The following ANO2 variants were observed in gnomAD, a reference collection of about 807,000 sequenced individuals.
The protein encoded by ANO2 is anoctamin-2.
Under a neutral mutation model 124.2 loss-of-function variants are expected in ANO2, and 101 were observed. The observed-to-expected ratio is 0.81, with a 90% confidence interval of 0.69 to 0.96. ANO2 has a LOEUF of 0.96. Ranked by LOEUF, ANO2 falls within the 40% of genes least tolerant of loss-of-function variation. The pLI, the probability that ANO2 is intolerant of heterozygous loss-of-function variation, is 0.00. For missense variants in ANO2, 1,293 were observed against 1,274.5 expected, an observed-to-expected ratio of 1.01 and a Z score of -0.22; for synonymous variants, 486 against 482.5, an observed-to-expected ratio of 1.01 and a Z score of -0.09.
intron 10 of ANO2, among the ~76,000 whole-genome samples, chr12:5,751,383 ACACACAGAT>A (rs1434997259): frequency 6.6e-6 from 1 of 152,258 alleles, no homozygotes; most frequent in African/African-American, 2.4e-5. Flanking sequence ...TTTAAACAAA[ACACACAGAT>A]CATATATTTG....
At chr12:5,875,167 G>A (rs1005014446) in intron 3 of ANO2, among the ~76,000 whole-genome samples, 1 of 152,208 alleles carries the variant, frequency 6.6e-6, no homozygotes, top group African/African-American at 2.4e-5. Flanking sequence ...CCCAGTGTCT[G>A]ATACTGTGCC....
At chr12:5,870,868 C>T (rs1484774922) in intron 3 of ANO2, among the ~76,000 whole-genome samples, 1 of 152,224 alleles carries the variant, frequency 6.6e-6, no homozygotes, top group Non-Finnish European at 1.5e-5. Context: ...GCAGGTCATG[C>T]ACTGCACAAA....
intron 9 of ANO2, among the ~76,000 whole-genome samples, chr12:5,803,632 G>C (rs765081255): frequency 5.9e-5 from 9 of 152,136 alleles, no homozygotes; most frequent in Non-Finnish European, 1.2e-4. Context: ...TGGCAAATGG[G>C]GAACTAGGCA....
intron 3 of ANO2, among the ~76,000 whole-genome samples, chr12:5,889,446 T>C (rs916264997): frequency 2.0e-5 from 3 of 152,306 alleles, no homozygotes; most frequent in East Asian, 1.9e-4. Context: ...TGAGGGACAG[T>C]TGGACAAAAA....
intron 7 of ANO2, among the ~76,000 whole-genome samples, chr12:5,810,393 A>G (rs1373120984): frequency 6.6e-6 from 1 of 152,238 alleles, no homozygotes. Context: ...CGTTTTTAAA[A>G]AAGAGTCCCT....
chr12:5,926,589 A>T (rs1010460866), intron 1 of ANO2, among the ~76,000 whole-genome samples: 2 of 149,874 alleles, frequency 1.3e-5, no homozygotes, highest in African/African-American at 4.9e-5. Flanking sequence ...TTCCCTACAC[A>T]CTCTTCATCT....
chr12:5,864,236 T>C lies in ANO2; in HGVS notation c.535-10095A>G, dbSNP rs367711483. ...TGAAGATAAAAGTGAACATTTCTCTTGGGAGTTTATGATGCTCAAAGATAA... is the reference window on the plus strand; with the variant it reads ...TGAAGATAAAAGTGAACATTTCTCTCGGGAGTTTATGATGCTCAAAGATAA... On this transcript the variant is annotated intron_variant, in intron 3 of 24. Transcript: ENST00000682330. 5.9e-5 allele frequency among the ~76,000 whole-genome samples: 9 copies of C among 152,276 alleles called. No homozygotes were observed. The East Asian group carries it at 1.2e-3, about 20-fold the overall frequency.
At chr12:5,634,874 T>A (rs1945923376) in intron 16 of ANO2, among the ~76,000 whole-genome samples, 2 of 151,702 alleles carry the variant, frequency 1.3e-5, no homozygotes, top group African/African-American at 4.8e-5. Flanking sequence ...ACCCCACGGT[T>A]TACCCTTAGG....
chr12:5,760,013 A>G (rs940094713), intron 10 of ANO2, among the ~76,000 whole-genome samples: 1 of 152,208 alleles, frequency 6.6e-6, no homozygotes, highest in African/African-American at 2.4e-5. Context: ...ATGACAAGTA[A>G]GAGATATTTT....
At chr12:5,901,603 G>A (rs770624481) in intron 3 of ANO2, among the ~76,000 whole-genome samples, 7 of 152,184 alleles carry the variant, frequency 4.6e-5, no homozygotes, top group Non-Finnish European at 7.3e-5. Context: ...TGATGCACAC[G>A]ACTGCATGAT....
chr12:5,741,738 A>T (rs11559856), intron 12 of ANO2, among the ~76,000 whole-genome samples: 2,201 of 152,184 alleles, frequency 0.014, 51 homozygotes, highest in African/African-American at 0.046. Context: ...ACTCAATCAC[A>T]TGTCACAAGA....
chr12:5,879,890 G>A (rs993915017), intron 3 of ANO2, among the ~76,000 whole-genome samples: 1 of 152,222 alleles, frequency 6.6e-6, no homozygotes, highest in African/African-American at 2.4e-5. Flanking sequence ...AGATTTTAAT[G>A]AGGAAATGGC....
intron 10 of ANO2, among the ~76,000 whole-genome samples, chr12:5,795,568 T>C (rs921376878): frequency 6.6e-6 from 1 of 152,218 alleles, no homozygotes; most frequent in African/African-American, 2.4e-5. Context: ...AACCCTCTCT[T>C]TCCCATGCTG....
At chr12:5,743,162 T>C (rs1036994843) in intron 12 of ANO2, among the ~76,000 whole-genome samples, 3 of 151,716 alleles carry the variant, frequency 2.0e-5, no homozygotes, top group African/African-American at 7.3e-5. Context: ...GGCCTCTCCC[T>C]CTCCTCCTTC....
intron 3 of ANO2, among the ~76,000 whole-genome samples, chr12:5,889,844 G>A (rs115873184): frequency 0.021 from 3,256 of 152,226 alleles, 41 homozygotes; most frequent in Middle Eastern, 0.068. Context: ...GAAGCACCCC[G>A]TCCAAGACCC....
At chr12:5,740,745 T>C (rs746930958) in intron 12 of ANO2, 2 of 152,182 alleles carry the variant, frequency 1.3e-5, no homozygotes, top group Non-Finnish European at 2.9e-5. Flanking sequence ...TGCCTACATG[T>C]TCAATGGCTC....
chr12:5,740,604 A>AT (rs1218804504), intron 12 of ANO2: 2 of 152,226 alleles, frequency 1.3e-5, no homozygotes, highest in Non-Finnish European at 2.9e-5. Flanking sequence ...CTTAAGAATG[A>AT]CACAGATGAA....
intron 10 of ANO2, among the ~76,000 whole-genome samples, chr12:5,756,227 T>C (rs927868191): frequency 2.0e-5 from 3 of 152,106 alleles, no homozygotes; most frequent in Non-Finnish European, 4.4e-5. Context: ...TATTTCTATA[T>C]GTTTGTTGAA....
intron 3 of ANO2, among the ~76,000 whole-genome samples, chr12:5,869,939 T>G (rs1955526894): frequency 6.6e-6 from 1 of 152,174 alleles, no homozygotes; most frequent in Admixed American, 6.5e-5. Flanking sequence ...AACTACTGCC[T>G]TGAACCACTG....
Sources: gnomAD v4.1 joint callset for allele counts (sites outside exome capture counted in the v4.1 genomes callset) on GRCh38, gnomAD v4.1.1 for gene constraint, MANE v1.5 for transcripts, NCBI Gene and HGNC (gene_info 2026-07-23, HGNC 2026-07-21) for gene names.